Variants in JPH3 observed in about 807,000 individuals in gnomAD.
JPH3 encodes the protein junctophilin 3, also known as junctophilin-3.
A neutral mutation model predicts 59.6 loss-of-function variants in JPH3; 11 were observed. The observed-to-expected ratio is 0.18, with a 90% confidence interval of 0.12 to 0.31. JPH3 has a LOEUF of 0.31. Among genes scored for constraint, JPH3 ranks in the 10% least tolerant of loss-of-function variants. The pLI, the probability that JPH3 is intolerant of heterozygous loss-of-function variation, is 1.00. For synonymous variants in JPH3, 673 were observed against 483.6 expected, an observed-to-expected ratio of 1.39 and a Z score of -5.14; for missense variants, 1,202 against 1,105.7, an observed-to-expected ratio of 1.09 and a Z score of -1.24.
chr16:87,689,171 G>A (rs1454181411), intron 3 of JPH3, among the ~76,000 whole-genome samples: 2 of 152,188 alleles, frequency 1.3e-5, no homozygotes, highest in African/African-American at 4.8e-5. Context: ...CTGTTTCTCA[G>A]CAAGACTGTC....
intron 1 of JPH3, among the ~76,000 whole-genome samples, chr16:87,635,748 A>C (rs1014039826): frequency 6.6e-6 from 1 of 151,664 alleles, no homozygotes; most frequent in African/African-American, 2.4e-5. Flanking sequence ...GGCAAGGTTT[A>C]GGGGGTTTGT....
At chr16:87,656,335 G>A (rs929983582) in intron 2 of JPH3, among the ~76,000 whole-genome samples, 1 of 152,222 alleles carries the variant, frequency 6.6e-6, no homozygotes. Flanking sequence ...CTGAGACGGG[G>A]GGTGGGTTAG....
At chr16:87,666,665 T>C (rs2032872224) in intron 2 of JPH3, among the ~76,000 whole-genome samples, 1 of 152,172 alleles carries the variant, frequency 6.6e-6, no homozygotes, top group Non-Finnish European at 1.5e-5. Context: ...TGCTCTGGGT[T>C]CTCCAGACCC....
At chr16:87,641,507 A>T (rs1401714777) in intron 1 of JPH3, among the ~76,000 whole-genome samples, 2 of 151,848 alleles carry the variant, frequency 1.3e-5, no homozygotes, top group African/African-American at 2.4e-5. Context: ...GCTGAAGCTG[A>T]CCTCTCGCTG....
At chr16:87,689,209 G>C (rs554123420) in intron 3 of JPH3, among the ~76,000 whole-genome samples, 1 of 152,210 alleles carries the variant, frequency 6.6e-6, no homozygotes. Context: ...AGTCCCAGGC[G>C]GGTAGGGGTG....
At chr16:87,613,563 C>A (rs149650102) in intron 1 of JPH3, among the ~76,000 whole-genome samples, 2 of 152,128 alleles carry the variant, frequency 1.3e-5, no homozygotes, top group East Asian at 1.9e-4. Context: ...TCAAGTGATC[C>A]GCCCACCTCA....
intron 3 of JPH3, among the ~76,000 whole-genome samples, chr16:87,689,011 C>T (rs1176895937): frequency 1.3e-5 from 2 of 152,186 alleles, no homozygotes; most frequent in Non-Finnish European, 2.9e-5. Context: ...CGGCAGACGA[C>T]AGGGACTCTG....
intron 2 of JPH3, among the ~76,000 whole-genome samples, chr16:87,658,834 G>C (rs1466293998): frequency 6.6e-6 from 1 of 152,242 alleles, no homozygotes; most frequent in African/African-American, 2.4e-5. Flanking sequence ...CTGGTGCTGA[G>C]GCAGGGGTGG....
chr16:87,604,749 G>C lies in JPH3; in HGVS notation c.382+1221G>C. The C allele has an allele frequency of 3.3e-6, 3 of 917,700 alleles. No homozygotes were observed. The South Asian group carries it at 6.4e-5, about 20-fold the overall frequency. The allele number at this position is 917,700 out of a possible 1,614,324, so 56.8% of individuals were successfully genotyped here. ...GGGCTGGAGAGTAATTATTATTTTG[G>C]CTTATGCAACTGAAAAGCAGGGTTC... On this transcript the variant is annotated intron_variant, in intron 1 of 4. Coordinates refer to ENST00000284262, the MANE Select transcript of JPH3 (RefSeq NM_020655.4).
chr16:87,683,725 G>A (rs1372410295), intron 2 of JPH3, among the ~76,000 whole-genome samples: 1 of 152,160 alleles, frequency 6.6e-6, no homozygotes, highest in Non-Finnish European at 1.5e-5. Flanking sequence ...TCCTGCCTCA[G>A]TGTCCCGAGT....
chr16:87,696,465 C>G (rs542985797), intron 4 of JPH3, 115 bp from the exon 5 acceptor site: 12 of 830,482 alleles, frequency 1.4e-5, no homozygotes, highest in East Asian at 2.4e-5. Context: ...TCCTCCCGTA[C>G]GCTTCCACCC....
At chr16:87,610,603 C>T (rs1222503478) in intron 1 of JPH3, among the ~76,000 whole-genome samples, 2 of 152,050 alleles carry the variant, frequency 1.3e-5, no homozygotes, top group African/African-American at 4.8e-5. Flanking sequence ...TAGAATTGGA[C>T]GTAGTTAAAG....
At chr16:87,607,923 C>T (rs1420523653) in intron 1 of JPH3, among the ~76,000 whole-genome samples, 1 of 152,156 alleles carries the variant, frequency 6.6e-6, no homozygotes, top group Non-Finnish European at 1.5e-5. Context: ...TGAAAGGCTC[C>T]GTAAGGTGAA....
At chr16:87,650,432 C>G (rs1266276283) in intron 2 of JPH3, among the ~76,000 whole-genome samples, 1 of 152,134 alleles carries the variant, frequency 6.6e-6, no homozygotes, top group African/African-American at 2.4e-5. Context: ...AAAATTAGGC[C>G]AGTTAATAAC....
intron 4 of JPH3, 112 bp from the exon 5 acceptor site, chr16:87,696,468 T>C: frequency 1.2e-6 from 1 of 860,218 alleles, no homozygotes; most frequent in Admixed American, 1.8e-5. Flanking sequence ...TCCCGTACGC[T>C]TCCACCCCCG....
At chr16:87,631,488 G>T (rs2031564640) in intron 1 of JPH3, among the ~76,000 whole-genome samples, 1 of 152,116 alleles carries the variant, frequency 6.6e-6, no homozygotes, top group African/African-American at 2.4e-5. Flanking sequence ...TCCTTCATTT[G>T]TGATCTGTTT....
chr16:87,612,335 G>C (rs1567581258), intron 1 of JPH3, among the ~76,000 whole-genome samples: 1 of 152,166 alleles, frequency 6.6e-6, no homozygotes, highest in Non-Finnish European at 1.5e-5. Flanking sequence ...GTGTTTCCCA[G>C]ACTGGTCTCA....
intron 4 of JPH3, among the ~76,000 whole-genome samples, chr16:87,692,030 C>T (rs973507185): frequency 5.3e-5 from 8 of 152,218 alleles, no homozygotes; most frequent in African/African-American, 1.2e-4. Context: ...GATGAGTTAG[C>T]GACACGCAGG....
chr16:87,663,677 T>G (rs2032773966), intron 2 of JPH3, among the ~76,000 whole-genome samples: 1 of 152,052 alleles, frequency 6.6e-6, no homozygotes, highest in South Asian at 2.1e-4. Context: ...GACCCCATCC[T>G]CGTCAGGGCA....
Sources: allele counts gnomAD v4.1 joint callset (sites outside exome capture counted in the v4.1 genomes callset), GRCh38; gene constraint gnomAD v4.1.1; transcripts MANE v1.5; gene names NCBI Gene and HGNC (gene_info 2026-07-23, HGNC 2026-07-21).